The following SCAMP1 variants were observed in gnomAD, a reference collection of about 807,000 sequenced individuals.
SCAMP1 encodes secretory carrier membrane protein 1.
In SCAMP1, 15 loss-of-function variants were observed where a neutral mutation model predicts 41.8. The ratio of observed to expected loss-of-function variants is 0.36; its 90% CI spans 0.24 to 0.55. SCAMP1 has a LOEUF of 0.55. Among genes scored for constraint, SCAMP1 ranks in the 20% least tolerant of loss-of-function variants. The pLI, the probability that SCAMP1 is intolerant of heterozygous loss-of-function variation, is 0.86. For synonymous variants in SCAMP1, 135 were observed against 136.8 expected (o/e 0.99, Z 0.09); for missense variants, 341 against 412.6 (o/e 0.83, Z 1.50).
chr5:78,473,726 T>C (rs1753940186), intron 8 of SCAMP1, among the ~76,000 whole-genome samples: 1 of 152,178 alleles, frequency 6.6e-6, no homozygotes, highest in African/African-American at 2.4e-5. Context: ...GAACATGTGA[T>C]ATTTGGTTTT....
rs1415535204 is a variant in SCAMP1 at position 78,479,344 on chromosome 5, A to G, written c.*3676A>G. Among the ~76,000 whole-genome samples, 1 of 152,246 alleles carries G rather than the reference A, an allele frequency of 6.6e-6. No homozygotes were observed. The highest frequency in any genetic ancestry group is 1.5e-5 in the Non-Finnish European group (1 of 68,040). On this transcript the variant is annotated 3_prime_UTR_variant, in exon 9 of 9. Transcript: ENST00000621999. ...AACACCTTACTTTGATACATTTTAA[A>G]GTACAATAGTATACATTTATTTAGA...
chr5:78,458,045 G>C (rs1024756738), intron 7 of SCAMP1: 2 of 153,240 alleles, frequency 1.3e-5, no homozygotes, highest in African/African-American at 4.8e-5. Context: ...GCTTCGGCTT[G>C]TGCACGGTGC....
rs891166511 is a variant in SCAMP1 at position 78,453,232 on chromosome 5, T to G, written c.734+3198T>G. 3.7e-4 allele frequency among the ~76,000 whole-genome samples: 56 copies of G among 151,614 alleles called. No individual in the cohort carries two copies. The East Asian group carries it at 8.5e-3, about 23-fold the overall frequency. On this transcript the variant is annotated intron_variant, in intron 7 of 8. Coordinates refer to ENST00000621999, the MANE Select transcript of SCAMP1 (RefSeq NM_004866.6). ...ATTTTGGCTTTTGTTGCCATTGCTT[T>G]TGGTGTTTTGGACATGAAGTCCTTG...
chr5:78,463,629 C>T (rs1214110294), intron 8 of SCAMP1, among the ~76,000 whole-genome samples: 1 of 152,002 alleles, frequency 6.6e-6, no homozygotes, highest in African/African-American at 2.4e-5. Context: ...TTATTAAGAC[C>T]ACATATTGTA....
At position 78,475,496 on chromosome 5, in the gene SCAMP1, C is replaced by T. The variant is rs1467886938; in HGVS notation, c.853-8C>T. On this transcript the variant is annotated splice_polypyrimidine_tract_variant and splice_region_variant and intron_variant, in intron 8 of 8. Coordinates refer to ENST00000621999, the MANE Select transcript of SCAMP1 (RefSeq NM_004866.6). ...CTTACCTTCTCCCACTTTTTTGTGC[C>T]TCTGTAGGTACATGGACTATATCGC... is the stretch of plus-strand genomic sequence containing the variant. 3 of 1,562,584 alleles carry T rather than the reference C, an allele frequency of 1.9e-6. No individual in the cohort carries two copies. The highest frequency in any genetic ancestry group is 2.4e-5 in the South Asian group (2 of 82,522).
intron 2 of SCAMP1, among the ~76,000 whole-genome samples, chr5:78,401,541 T>A (rs1751797675): frequency 6.6e-6 from 1 of 152,188 alleles, no homozygotes; most frequent in African/African-American, 2.4e-5. Flanking sequence ...GCTTGTTTCT[T>A]CTTCTGTGAG....
chr5:78,446,343 A>C (rs1253286964), intron 6 of SCAMP1, among the ~76,000 whole-genome samples: 1 of 152,184 alleles, frequency 6.6e-6, no homozygotes, highest in East Asian at 1.9e-4. Context: ...CAGCTTCTAG[A>C]ATGTGTCTAA....
At chr5:78,464,740 A>G (rs529948072) in intron 8 of SCAMP1, among the ~76,000 whole-genome samples, 5 of 152,288 alleles carry the variant, frequency 3.3e-5, no homozygotes, top group Admixed American at 3.3e-4. Context: ...ATGGGCCTTA[A>G]TAACCTAATG....
At chr5:78,417,837 A>G (rs898055950) in intron 4 of SCAMP1, among the ~76,000 whole-genome samples, 1 of 152,176 alleles carries the variant, frequency 6.6e-6, no homozygotes, top group Non-Finnish European at 1.5e-5. Context: ...TAGTATGATA[A>G]ATGGAACACA....
intron 1 of SCAMP1, among the ~76,000 whole-genome samples, chr5:78,377,123 G>A (rs1406438560): frequency 6.6e-6 from 1 of 151,910 alleles, no homozygotes; most frequent in Non-Finnish European, 1.5e-5. Context: ...AAAAGCTGAG[G>A]CCCTTCTGAT....
chr5:78,388,868 T>C lies in SCAMP1; in HGVS notation c.89T>C (p.Val30Ala). ...DPSVTQVTRN[V>A]PPGLDEYNPF... ...TCAGTTACACAAGTGACAAGAAATGTTCCACCAGGACTTGATGAATATAAT... is the reference window on the plus strand; with the variant it reads ...TCAGTTACACAAGTGACAAGAAATGCTCCACCAGGACTTGATGAATATAAT... The change falls in exon 2 of 9, where the codon GTT (valine) becomes GCT (alanine). Residue 30 changes from valine to alanine, a missense_variant. Coordinates refer to ENST00000621999, the MANE Select transcript of SCAMP1 (RefSeq NM_004866.6). 6.4e-7 allele frequency: 1 copy of C among 1,563,502 alleles called. No homozygotes were observed.
chr5:78,433,365 C>G (rs1752669309), intron 6 of SCAMP1, among the ~76,000 whole-genome samples: 2 of 151,904 alleles, frequency 1.3e-5, no homozygotes, highest in Non-Finnish European at 2.9e-5. Context: ...AGGTTTTGTG[C>G]CTTAAGTGGG....
chr5:78,454,217 A>G (rs1258868443), intron 7 of SCAMP1, among the ~76,000 whole-genome samples: 7 of 151,916 alleles, frequency 4.6e-5, no homozygotes, highest in Admixed American at 6.6e-5. Context: ...TTCCAACACT[A>G]TGTTGAATAG....
rs1242188497 is a variant in SCAMP1, at chr5:78,455,255, A to C, written c.735-3990A>C. Among the ~76,000 whole-genome samples, 426 of 148,956 alleles carry C rather than the reference A, an allele frequency of 2.9e-3. 5 individuals carry two copies. Among genetic ancestry groups the C allele is most frequent in the African/African-American group, 0.01 (408 of 40,180 alleles). On this transcript the variant is annotated intron_variant, in intron 7 of 8. Transcript: ENST00000621999. ...TGAACGTGTTTGCCCTTGCTTTTCT[A>C]GTTCTTTTAATTGTGATGTTAGGGT...
At position 78,421,850 on chromosome 5, in the gene SCAMP1, T is replaced by G; in HGVS notation, c.522T>G (p.Phe174Leu). 6.2e-7 allele frequency: 1 copy of G among 1,613,882 alleles called. No homozygotes were observed. Among genetic ancestry groups the G allele is most frequent in the South Asian group, 1.1e-5 (1 of 91,082 alleles). ...FLNIFGCLAW[F>L]CVDSARAVDF... ...ATATCTTCGGATGCTTGGCTTGGTT[T>G]TGTGTTGATTCTGCAAGAGCGGTTG... Residue 174 changes from phenylalanine (F) to leucine (L), a missense_variant, in exon 6 of 9, where the codon TTT (phenylalanine) becomes TTG (leucine). Phe to Leu is a conservative substitution (Grantham distance 22, BLOSUM62 0). Coordinates refer to ENST00000621999, the MANE Select transcript of SCAMP1 (RefSeq NM_004866.6).
At chr5:78,445,019 G>A (rs1461150700) in intron 6 of SCAMP1, among the ~76,000 whole-genome samples, 1 of 152,178 alleles carries the variant, frequency 6.6e-6, no homozygotes, top group Non-Finnish European at 1.5e-5. Flanking sequence ...TGAGTTGCCA[G>A]AGTTAAATAC....
chr5:78,394,006 C>T (rs775990528), intron 2 of SCAMP1, among the ~76,000 whole-genome samples: 2 of 152,124 alleles, frequency 1.3e-5, no homozygotes, highest in African/African-American at 2.4e-5. Context: ...GCCTAGTTTA[C>T]TGTCATGTTT....
chr5:78,421,127 A>G lies in SCAMP1; in HGVS notation c.473-674A>G, dbSNP rs1284434124. On this transcript the variant is annotated intron_variant, in intron 5 of 8. Coordinates refer to ENST00000621999, the MANE Select transcript of SCAMP1 (RefSeq NM_004866.6). ...TGTTTTTGGTCTGTCAGGGAAAGCAATTATTAACAGCATATGATGAATTTG... is the reference window on the plus strand; with the variant it reads ...TGTTTTTGGTCTGTCAGGGAAAGCAGTTATTAACAGCATATGATGAATTTG... Among the ~76,000 whole-genome samples, 17 of 152,314 alleles carry G rather than the reference A, an allele frequency of 1.1e-4. No homozygotes were observed. The East Asian group carries it at 2.5e-3, about 22-fold the overall frequency.
intron 2 of SCAMP1, among the ~76,000 whole-genome samples, chr5:78,392,931 T>C (rs1230715805): frequency 6.6e-6 from 1 of 152,206 alleles, no homozygotes; most frequent in Non-Finnish European, 1.5e-5. Context: ...ATTTTTATCA[T>C]AGGACAGTGT....
Sources: gnomAD v4.1 joint callset for allele counts (sites outside exome capture counted in the v4.1 genomes callset) on GRCh38, gnomAD v4.1.1 for gene constraint, MANE v1.5 for transcripts, NCBI Gene and HGNC (gene_info 2026-07-23, HGNC 2026-07-21) for gene names.